Variants in ZNF813 observed in about 807,000 individuals in gnomAD.
ZNF813 encodes the protein zinc finger protein 813.
Under a neutral mutation model 7.2 loss-of-function variants are expected in ZNF813, and 3 were observed. The observed-to-expected ratio is 0.42, with a 90% confidence interval of 0.19 to 1.08. The LOEUF (loss-of-function observed/expected upper bound fraction) is 1.08, where lower values mean the gene tolerates loss of function less well. Among genes scored for constraint, ZNF813 ranks in the 50% least tolerant of loss-of-function variants. The probability of loss-of-function intolerance (pLI) is 0.30; values close to 1 mark genes in which losing one functional copy is unlikely to be tolerated. For missense variants in ZNF813, 714 were observed against 753.3 expected (o/e 0.95, Z 0.61); for synonymous variants, 227 against 256.3 (o/e 0.89, Z 1.09).
At position 53,483,265 on chromosome 19, in the gene ZNF813, T is replaced by C. The variant is rs749599449; in HGVS notation, c.-73-485T>C. 9.3e-4 allele frequency among the ~76,000 whole-genome samples: 142 copies of C among 152,142 alleles called. 1 individual carries two copies. Among genetic ancestry groups the C allele is most frequent in the East Asian group, 3.1e-3 (16 of 5,174 alleles). On this transcript the variant is annotated intron_variant, in intron 1 of 3. Transcript: ENST00000396403. ...TTCACCATGTTGGCCAGGCTGGTCT[T>C]GAACTCCTGAGCTCAAGCGATCCTC...
At chr19:53,487,424 A>G (rs2086439502) in intron 3 of ZNF813, among the ~76,000 whole-genome samples, 1 of 151,618 alleles carries the variant, frequency 6.6e-6, no homozygotes, top group Non-Finnish European at 1.5e-5. Flanking sequence ...TTGTTTGTTT[A>G]TGATGGAGTC....
intron 3 of ZNF813, among the ~76,000 whole-genome samples, chr19:53,488,809 T>C (rs1244605659): frequency 1.3e-5 from 2 of 152,198 alleles, no homozygotes; most frequent in Non-Finnish European, 2.9e-5. Flanking sequence ...TCAGTTCTTA[T>C]ATTGTGTTCT....
At chr19:53,484,866 C>T (rs1395220355) in intron 2 of ZNF813, among the ~76,000 whole-genome samples, 1 of 152,174 alleles carries the variant, frequency 6.6e-6, no homozygotes, top group African/African-American at 2.4e-5. Context: ...GTGCCCAGCC[C>T]CACCAATTAT....
At chr19:53,488,372 G>T (rs961603320) in intron 3 of ZNF813, 1 of 352,870 alleles carries the variant, frequency 2.8e-6, no homozygotes, top group Non-Finnish European at 5.6e-6. Context: ...TATATTTGTG[G>T]GTTGGAGTGA....
chr19:53,476,023 A>C (rs1338389752), intron 1 of ZNF813, among the ~76,000 whole-genome samples: 1 of 152,088 alleles, frequency 6.6e-6, no homozygotes, highest in Non-Finnish European at 1.5e-5. Context: ...GCCTCTAAAA[A>C]TTCCTATTTG....
At chr19:53,487,091 A>G (rs2086438311) in intron 3 of ZNF813, among the ~76,000 whole-genome samples, 1 of 150,456 alleles carries the variant, frequency 6.6e-6, no homozygotes, top group Admixed American at 6.7e-5. Context: ...AACTGGGATT[A>G]CAGGCACCAA....
chr19:53,486,709 T>C lies in ZNF813; in HGVS notation c.93T>C (p.Thr31=), dbSNP rs1429017714. ...AATGCCTGGACCCTGCTCAGAGGAC[T>C]CTATACAGGGACGTGATGCTGGAGA... ...EWKCLDPAQR[T]LYRDVMLENY... is the part of the protein sequence containing the mutation. The change falls in exon 3 of 4, where the codon ACT becomes ACC. Residue 31 remains threonine, a synonymous_variant. Coordinates refer to ENST00000396403, the MANE Select transcript of ZNF813 (RefSeq NM_001004301.4). 1 of 1,613,994 alleles carries C rather than the reference T, an allele frequency of 6.2e-7. No homozygotes were observed. The highest frequency in any genetic ancestry group is 1.3e-5 in the African/African-American group (1 of 74,926).
At chr19:53,489,168 C>T (rs532515177) in intron 3 of ZNF813, among the ~76,000 whole-genome samples, 79 of 152,188 alleles carry the variant, frequency 5.2e-4, no homozygotes, top group African/African-American at 1.7e-3. Context: ...CCACCACACC[C>T]GGCTAATTTT....
At chr19:53,486,369 C>T (rs2708795) in intron 2 of ZNF813, among the ~76,000 whole-genome samples, 30,032 of 151,384 alleles carry the variant, frequency 0.2, 3,775 homozygotes, top group African/African-American at 0.36. Context: ...ATCGCTTGAT[C>T]CTGGGAGGTG....
chr19:53,491,002 A>C lies in ZNF813; in HGVS notation c.770A>C (p.Asn257Thr). 1.2e-6 allele frequency: 2 copies of C among 1,614,170 alleles called. No homozygotes were observed. Among genetic ancestry groups the C allele is most frequent in the Non-Finnish European group, 1.7e-6 (2 of 1,180,024 alleles). ...VCGKVFNRKR[N>T]LVCHRRCHTG... The stretch of plus-strand genomic sequence containing the variant: ...GGCAAGGTCTTTAATCGGAAGCGAA[A>C]CCTAGTGTGCCATCGTAGATGTCAC... Residue 257 changes from asparagine to threonine, a missense_variant, in exon 4 of 4, where the codon AAC becomes ACC. This residue lies in a region of ZNF813 where 563 missense variants were observed against 554.2 expected (regional missense o/e 1.02). Transcript: ENST00000396403.
At position 53,490,396 on chromosome 19, in the gene ZNF813, T is replaced by A. The variant is rs538553993; in HGVS notation, c.164T>A (p.Met55Lys). ...GTAGATATCTCTTCCAAATGCATGA[T>A]GAAGGAGTTCTCATCAACAGCACAA... is the stretch of plus-strand genomic sequence containing the variant. ...VSLDISSKCM[M>K]KEFSSTAQGN... The change falls in exon 4 of 4, where the codon ATG becomes AAG. Residue 55 changes from methionine to lysine, a missense_variant. Physicochemically the swap from Met to Lys is moderately conservative, Grantham distance 95 (BLOSUM62 -1). Around this residue, in one of 3 missense-constraint regions of ZNF813, gnomAD observed 563 missense variants for 554.2 expected, o/e 1.02. Transcript: ENST00000396403. 6.2e-7 allele frequency: 1 copy of A among 1,613,988 alleles called. No individual in the cohort carries two copies. Among genetic ancestry groups the A allele is most frequent in the African/African-American group, 1.3e-5 (1 of 74,930 alleles).
At chr19:53,480,853 C>A (rs1163099676) in intron 1 of ZNF813, among the ~76,000 whole-genome samples, 1 of 152,074 alleles carries the variant, frequency 6.6e-6, no homozygotes, top group Non-Finnish European at 1.5e-5. Context: ...CAACACCAGG[C>A]CATGGGGGCT....
At chr19:53,469,126 C>G (rs1478193700) in intron 1 of ZNF813, among the ~76,000 whole-genome samples, 1 of 152,280 alleles carries the variant, frequency 6.6e-6, no homozygotes, top group African/African-American at 2.4e-5. Context: ...CAAGGCACAC[C>G]CTGCACAGCC....
intron 1 of ZNF813, among the ~76,000 whole-genome samples, chr19:53,475,428 G>T (rs946591438): frequency 2.6e-5 from 4 of 152,274 alleles, no homozygotes; most frequent in Non-Finnish European, 5.9e-5. Flanking sequence ...TCTCATTGGG[G>T]AATACCTCGT....
At chr19:53,476,734 A>G (rs1294680966) in intron 1 of ZNF813, among the ~76,000 whole-genome samples, 2 of 151,902 alleles carry the variant, frequency 1.3e-5, no homozygotes, top group Admixed American at 6.6e-5. Flanking sequence ...GCTCACTGCA[A>G]GCTCCGCCTC....
In ZNF813 at chr19:53,492,605, T is replaced by C; in HGVS notation, c.*519T>C. The stretch of plus-strand genomic sequence containing the variant: ...TCAACACTTACTCACCATCAGGCAA[T>C]CCATGGTGAAGGAAACTTGACTAAT... On this transcript the variant is annotated 3_prime_UTR_variant, in exon 4 of 4. Transcript: ENST00000396403. 1.5e-6 allele frequency: 1 copy of C among 676,466 alleles called. No homozygotes were observed. Among genetic ancestry groups the C allele is most frequent in the Non-Finnish European group, 2.5e-6 (1 of 393,260 alleles). The allele number at this position is 676,466 out of a possible 1,614,324, so 41.9% of individuals were successfully genotyped here. A position where few individuals can be genotyped will look rare whatever the true frequency, so the allele number is the denominator to read the frequency against.
At chr19:53,469,865 G>C (rs113310599) in intron 1 of ZNF813, among the ~76,000 whole-genome samples, 204 of 145,368 alleles carry the variant, frequency 1.4e-3, no homozygotes, top group African/African-American at 2.2e-3. Flanking sequence ...AGATGGTGTT[G>C]CGGGAAACTG....
At chr19:53,479,956 G>C (rs1171065950) in intron 1 of ZNF813, 1 of 775,628 alleles carries the variant, frequency 1.3e-6, no homozygotes, top group Admixed American at 1.7e-5. Flanking sequence ...CCCATGCTGA[G>C]TTGGCTGAGA....
chr19:53,489,399 C>T (rs2086448728), intron 3 of ZNF813, among the ~76,000 whole-genome samples: 3 of 151,928 alleles, frequency 2.0e-5, no homozygotes, highest in Non-Finnish European at 2.9e-5. Context: ...GTCAAAAGTT[C>T]GACCACAGCC....
Sources: allele counts gnomAD v4.1 joint callset (sites outside exome capture counted in the v4.1 genomes callset), GRCh38; gene constraint gnomAD v4.1.1; regional missense constraint gnomAD v4.1.1; transcripts MANE v1.5; gene names NCBI Gene and HGNC (gene_info 2026-07-23, HGNC 2026-07-21).